Variants in KATNAL1 observed in about 807,000 individuals in gnomAD.
KATNAL1 encodes katanin p60 ATPase-containing subunit A-like 1.
Under a neutral mutation model 55.2 loss-of-function variants are expected in KATNAL1, and 32 were observed. The ratio of observed to expected loss-of-function variants is 0.58; its 90% CI spans 0.44 to 0.78. The LOEUF is 0.78. Among genes scored for constraint, KATNAL1 ranks in the 30% least tolerant of loss-of-function variants. KATNAL1 has a pLI of 0.00. For synonymous variants in KATNAL1, 193 were observed against 193.6 expected (o/e 1.00, Z 0.02); for missense variants, 466 against 600.9 (o/e 0.78, Z 2.35).
At position 30,307,328 on chromosome 13, in the gene KATNAL1, TACCCAG is replaced by T. The variant is rs537259935; in HGVS notation, c.-18_-15+2del. ...CCTCGCCCCTTTCTCTCGGATTCATTACCCAGAAGGCGCAGGTCCGGGCACATTCAG... is the reference window on the plus strand; with the variant it reads ...CCTCGCCCCTTTCTCTCGGATTCATTAAGGCGCAGGTCCGGGCACATTCAG... On this transcript the variant is annotated splice_donor_variant and 5_prime_UTR_variant, in exon 1 of 11. Coordinates refer to ENST00000380615, the MANE Select transcript of KATNAL1 (RefSeq NM_032116.5). LOFTEE classifies it low-confidence loss of function (5UTR_SPLICE). 4 of 153,270 alleles carry T rather than the reference TACCCAG, an allele frequency of 2.6e-5. No homozygotes were observed. The South Asian group carries it at 7.3e-4, about 28-fold the overall frequency. The allele number at this position is 153,270 out of a possible 1,614,324, so 9.5% of individuals were successfully genotyped here.
At chr13:30,268,184 G>C (rs749523972) in intron 3 of KATNAL1, among the ~76,000 whole-genome samples, 2 of 152,170 alleles carry the variant, frequency 1.3e-5, no homozygotes, top group Non-Finnish European at 2.9e-5. Context: ...TAAGGCACCT[G>C]GCTGAAGCAA....
At chr13:30,213,438 C>A (rs369059135) in intron 9 of KATNAL1, among the ~76,000 whole-genome samples, 1 of 151,972 alleles carries the variant, frequency 6.6e-6, no homozygotes, top group African/African-American at 2.4e-5. Flanking sequence ...CCAGCATCAT[C>A]CTGATACCAA....
chr13:30,274,907 G>GCACACACACACA (rs368435407), intron 3 of KATNAL1, among the ~76,000 whole-genome samples: 73 of 105,424 alleles, frequency 6.9e-4, no homozygotes, highest in East Asian at 3.3e-3. Flanking sequence ...GCGCGCGCGC[G>GCACACACACACA]CACACACACA....
rs141780125 is a variant in KATNAL1, at chr13:30,281,181, C to CTT, written c.163-960_163-959dup. On this transcript the variant is annotated intron_variant, in intron 2 of 10. Coordinates refer to ENST00000380615, the MANE Select transcript of KATNAL1 (RefSeq NM_032116.5). ...CAATTATAAATTCATTTTAACAATT[C>CTT]TTTTTTTTTTAACCAGAAAGCACGT... Among the ~76,000 whole-genome samples, 41 of 141,916 alleles carry CTT rather than the reference C, an allele frequency of 2.9e-4. 1 individual carries two copies. In the South Asian group the frequency reaches 4.6e-3, roughly 16 times the overall value. The allele number at this position is 141,916 out of a possible 152,430, so 93.1% of individuals were successfully genotyped here.
chr13:30,276,868 T>G (rs959287463), intron 3 of KATNAL1, among the ~76,000 whole-genome samples: 5 of 152,190 alleles, frequency 3.3e-5, no homozygotes, highest in Non-Finnish European at 5.9e-5. Flanking sequence ...TCAGATGACT[T>G]TGGAAAAATT....
intron 3 of KATNAL1, among the ~76,000 whole-genome samples, chr13:30,263,708 G>C (rs1199114134): frequency 1.2e-4 from 18 of 144,712 alleles, no homozygotes; most frequent in African/African-American, 3.3e-4. Flanking sequence ...ACAAACCACT[G>C]CTCAAGGAAA....
At chr13:30,226,559 G>A (rs895787990) in intron 9 of KATNAL1, among the ~76,000 whole-genome samples, 4 of 152,114 alleles carry the variant, frequency 2.6e-5, no homozygotes, top group African/African-American at 9.7e-5. Flanking sequence ...TAAAAATCAC[G>A]TACAGTGAAT....
chr13:30,292,318 T>C (rs1279013071), intron 1 of KATNAL1, among the ~76,000 whole-genome samples: 1 of 151,744 alleles, frequency 6.6e-6, no homozygotes, highest in Admixed American at 6.6e-5. Context: ...CTGACCTAAA[T>C]GTAAGAGTTA....
chr13:30,287,285 T>G (rs752692373), intron 1 of KATNAL1, among the ~76,000 whole-genome samples: 5 of 152,160 alleles, frequency 3.3e-5, no homozygotes, highest in African/African-American at 1.2e-4. Flanking sequence ...CAGGAGCACA[T>G]GGAGGTGACT....
intron 4 of KATNAL1, among the ~76,000 whole-genome samples, chr13:30,251,482 A>T (rs781128771): frequency 6.6e-6 from 1 of 152,256 alleles, no homozygotes; most frequent in African/African-American, 2.4e-5. Flanking sequence ...GCCCTAATAA[A>T]AGATTCCCAA....
intron 3 of KATNAL1, among the ~76,000 whole-genome samples, chr13:30,269,832 G>A (rs1480747844): frequency 3.3e-5 from 5 of 149,606 alleles, no homozygotes; most frequent in South Asian, 4.2e-4. Context: ...GAGCCCCTCC[G>A]CCCGGCAGCC....
At chr13:30,273,610 A>G (rs1880541517) in intron 3 of KATNAL1, among the ~76,000 whole-genome samples, 1 of 152,244 alleles carries the variant, frequency 6.6e-6, no homozygotes, top group Non-Finnish European at 1.5e-5. Context: ...TGCTACTTAC[A>G]TTCTACTCAG....
chr13:30,296,304 C>A, intron 1 of KATNAL1: 1 of 1,208,332 alleles, frequency 8.3e-7, no homozygotes, highest in Non-Finnish European at 1.2e-6. Context: ...GTGTGCCCCA[C>A]GGAGATCACT....
intron 3 of KATNAL1, among the ~76,000 whole-genome samples, chr13:30,265,463 A>G (rs2137489693): frequency 6.6e-6 from 1 of 152,128 alleles, no homozygotes; most frequent in Admixed American, 6.5e-5. Context: ...AATCACATTC[A>G]GAAATATATT....
At chr13:30,210,850 G>T (rs1873627971) in intron 9 of KATNAL1, among the ~76,000 whole-genome samples, 1 of 151,994 alleles carries the variant, frequency 6.6e-6, no homozygotes. Context: ...TAACTCCTAT[G>T]AATTACTTTG....
At chr13:30,222,441 C>G (rs1409468242) in intron 9 of KATNAL1, among the ~76,000 whole-genome samples, 2 of 152,138 alleles carry the variant, frequency 1.3e-5, no homozygotes, top group African/African-American at 4.8e-5. Context: ...AAATAAACCT[C>G]TTTATATATA....
rs1048345120 is a variant in KATNAL1, at chr13:30,269,226, C to T, written c.323+10837G>A. ...CCTGCTGAGTGCCTGCGATTGCAGGCGCACGCAGCCACGCCTGACTGGTTT... is the reference window on the plus strand; with the variant it reads ...CCTGCTGAGTGCCTGCGATTGCAGGTGCACGCAGCCACGCCTGACTGGTTT... On this transcript the variant is annotated intron_variant, in intron 3 of 10. Transcript: ENST00000380615. Among the ~76,000 whole-genome samples, 6 of 152,364 alleles carry T rather than the reference C, an allele frequency of 3.9e-5. No homozygotes were observed. In the East Asian group the frequency reaches 1.2e-3, roughly 29 times the overall value.
At position 30,269,600 on chromosome 13, in the gene KATNAL1, G is replaced by A. The variant is rs1396321019; in HGVS notation, c.323+10463C>T. The stretch of plus-strand genomic sequence containing the variant: ...TGGAAAGTGAGGAGCGTCTCTGCCC[G>A]GCCGCCATCCCATCTAGGAAGTGAG... On this transcript the variant is annotated intron_variant, in intron 3 of 10. Coordinates refer to ENST00000380615, the MANE Select transcript of KATNAL1 (RefSeq NM_032116.5). 4.0e-5 allele frequency among the ~76,000 whole-genome samples: 6 copies of A among 150,548 alleles called. No individual in the cohort carries two copies. The East Asian group carries it at 7.9e-4, about 20-fold the overall frequency.
chr13:30,216,278 G>A (rs1468393261), intron 9 of KATNAL1, among the ~76,000 whole-genome samples: 2 of 152,142 alleles, frequency 1.3e-5, no homozygotes, highest in Non-Finnish European at 2.9e-5. Context: ...AGGGAAAGGT[G>A]GTGACCCCCA....
Sources: gnomAD v4.1 joint callset for allele counts (sites outside exome capture counted in the v4.1 genomes callset) on GRCh38, gnomAD v4.1.1 for gene constraint, MANE v1.5 for transcripts, NCBI Gene and HGNC (gene_info 2026-07-23, HGNC 2026-07-21) for gene names.